The following KIAA1549L variants were observed in gnomAD, a reference collection of about 807,000 sequenced individuals.
KIAA1549L encodes the protein KIAA1549 like, also known as UPF0606 protein KIAA1549L.
In KIAA1549L, 88 loss-of-function variants were observed where a neutral mutation model predicts 160.7. That is an observed-to-expected ratio of 0.55 (90% confidence interval 0.46 to 0.65). The LOEUF (loss-of-function observed/expected upper bound fraction) is 0.65, where lower values mean the gene tolerates loss of function less well. KIAA1549L is among the 30% of genes least tolerant of loss of function. KIAA1549L has a pLI of 0.00. For synonymous variants in KIAA1549L, 950 were observed against 976.7 expected (o/e 0.97, Z 0.51); for missense variants, 2,258 against 2,437.5 (o/e 0.93, Z 1.55).
Position 33,574,096 on chromosome 11 carries a change from G to A in KIAA1549L, c.4231-606G>A, listed in dbSNP as rs539834635. 1.1e-4 allele frequency among the ~76,000 whole-genome samples: 16 copies of A among 151,966 alleles called. No homozygotes were observed. The South Asian group carries it at 3.3e-3, about 32-fold the overall frequency. Reference sequence around the variant, plus strand: ...GAATGGAAGCAAATACTCTATAATGGCAACAGTAATTAGCTTGTGATAGAA... The same window carrying A: ...GAATGGAAGCAAATACTCTATAATGACAACAGTAATTAGCTTGTGATAGAA... On this transcript the variant is annotated intron_variant, in intron 9 of 20. Coordinates refer to ENST00000658780, the MANE Select transcript of KIAA1549L (RefSeq NM_012194.3).
chr11:33,645,883 G>T lies in KIAA1549L; in HGVS notation c.5607G>T (p.Gln1869His). The T allele has an allele frequency of 6.2e-7, 1 of 1,613,804 alleles. No individual in the cohort carries two copies. The highest frequency in any genetic ancestry group is 8.5e-7 in the Non-Finnish European group (1 of 1,179,834). The change falls in exon 17 of 21, where the codon CAG becomes CAT. Residue 1869 changes from glutamine to histidine, a missense_variant. Transcript: ENST00000658780. The part of the protein sequence containing the change: ...FSLASAGHAG[Q>H]SRHQEAYGSA... ...TGGCATCCGCGGGCCACGCAGGCCAGAGCCGGCACCAAGAGGCCTACGGCT... is the reference window on the plus strand; with the variant it reads ...TGGCATCCGCGGGCCACGCAGGCCATAGCCGGCACCAAGAGGCCTACGGCT...
At chr11:33,405,510 C>CTT (rs60127936) in intron 1 of KIAA1549L, among the ~76,000 whole-genome samples, 23,354 of 138,576 alleles carry the variant, frequency 0.17, 2,316 homozygotes, top group African/African-American at 0.27. Flanking sequence ...TTTCCCTACA[C>CTT]TTTTTTTTTT....
chr11:33,611,898 G>A (rs1385266101), intron 15 of KIAA1549L, among the ~76,000 whole-genome samples: 1 of 152,194 alleles, frequency 6.6e-6, no homozygotes, highest in Non-Finnish European at 1.5e-5. Flanking sequence ...AATGAATGAA[G>A]AATGAACCAA....
intron 11 of KIAA1549L, among the ~76,000 whole-genome samples, chr11:33,589,693 T>C (rs1308907765): frequency 1.3e-5 from 2 of 149,764 alleles, no homozygotes; most frequent in African/African-American, 2.5e-5. Flanking sequence ...TTCTCACTCA[T>C]AGGTGGGAAT....
intron 1 of KIAA1549L, among the ~76,000 whole-genome samples, chr11:33,390,378 C>T (rs1850250474): frequency 6.6e-6 from 1 of 152,210 alleles, no homozygotes; most frequent in Admixed American, 6.5e-5. Context: ...TCTGCTTCCC[C>T]ATAGCTTCTT....
At chr11:33,381,560 C>T (rs917372795) in intron 1 of KIAA1549L, among the ~76,000 whole-genome samples, 1 of 152,178 alleles carries the variant, frequency 6.6e-6, no homozygotes, top group Non-Finnish European at 1.5e-5. Flanking sequence ...TCCTATAGGA[C>T]TTACTGGCCA....
intron 9 of KIAA1549L, among the ~76,000 whole-genome samples, chr11:33,568,887 T>C (rs1299759808): frequency 6.6e-6 from 1 of 152,214 alleles, no homozygotes; most frequent in East Asian, 1.9e-4. Context: ...GCCATGCTGG[T>C]TGGAAGTGCC....
intron 1 of KIAA1549L, among the ~76,000 whole-genome samples, chr11:33,440,521 C>A (rs937697288): frequency 2.6e-5 from 4 of 152,144 alleles, no homozygotes; most frequent in Non-Finnish European, 2.9e-5. Flanking sequence ...TTAACAAGGT[C>A]TAAAGTTAAT....
At chr11:33,476,688 G>A (rs927888130) in intron 1 of KIAA1549L, among the ~76,000 whole-genome samples, 25 of 152,078 alleles carry the variant, frequency 1.6e-4, no homozygotes, top group East Asian at 1.9e-4. Flanking sequence ...TCTTCCAAGC[G>A]CATTGCCCCC....
chr11:33,507,170 G>T (rs944589095), intron 1 of KIAA1549L, among the ~76,000 whole-genome samples: 1 of 152,188 alleles, frequency 6.6e-6, no homozygotes, highest in Non-Finnish European at 1.5e-5. Flanking sequence ...TGCTGCTAAG[G>T]CAAGGCCGAG....
At chr11:33,511,275 C>T (rs1246609249) in intron 1 of KIAA1549L, among the ~76,000 whole-genome samples, 1 of 152,156 alleles carries the variant, frequency 6.6e-6, no homozygotes, top group Non-Finnish European at 1.5e-5. Flanking sequence ...TTCTTCAGGC[C>T]TCCTAATCAA....
intron 1 of KIAA1549L, among the ~76,000 whole-genome samples, chr11:33,412,984 G>A (rs531582806): frequency 6.6e-6 from 1 of 152,234 alleles, no homozygotes; most frequent in African/African-American, 2.4e-5. Flanking sequence ...CACTTTCAGG[G>A]TAATAAATAC....
At chr11:33,557,140 A>G (rs1015130699) in intron 6 of KIAA1549L, among the ~76,000 whole-genome samples, 2 of 152,070 alleles carry the variant, frequency 1.3e-5, no homozygotes, top group Non-Finnish European at 2.9e-5. Context: ...GGCATGCAAC[A>G]TCATGCTTGG....
Position 33,629,819 on chromosome 11 carries a change from C to T in KIAA1549L, c.5409+11157C>T, listed in dbSNP as rs1200193275. On this transcript the variant is annotated intron_variant, in intron 16 of 20. Coordinates refer to ENST00000658780, the MANE Select transcript of KIAA1549L (RefSeq NM_012194.3). ...AGTCATTCTCCGTCCAGCTTTGTTCCGTTGCTGGTGAGGAACTGCGTTCCT... is the reference window on the plus strand; with the variant it reads ...AGTCATTCTCCGTCCAGCTTTGTTCTGTTGCTGGTGAGGAACTGCGTTCCT... Among the ~76,000 whole-genome samples the T allele has an allele frequency of 1.2e-4, 18 of 147,876 alleles. 1 individual carries two copies. Among genetic ancestry groups the T allele is most frequent in the South Asian group, 2.1e-4 (1 of 4,726 alleles).
At chr11:33,404,290 C>T (rs541606937) in intron 1 of KIAA1549L, among the ~76,000 whole-genome samples, 1 of 151,788 alleles carries the variant, frequency 6.6e-6, no homozygotes, top group Non-Finnish European at 1.5e-5. Context: ...TTTGGGAGGC[C>T]GAGGTGGGTG....
Position 33,542,722 on chromosome 11 carries a change from C to T in KIAA1549L, c.1159C>T (p.Gln387Ter). ...AGTGGCTTCAGGTCCTGCATCCACC[C>T]AGCAGATCAAAGCTGGGGTGCCTGG... Reference protein sequence around the residue: ...LEVASGPASTQQIKAGVPGRV... With the variant: ...LEVASGPAST Residue 387 changes from glutamine (Q) to a stop codon, truncating the protein, a stop_gained, in exon 2 of 21, where the codon CAG (glutamine) becomes TAG (stop). Coordinates refer to ENST00000658780, the MANE Select transcript of KIAA1549L (RefSeq NM_012194.3). LOFTEE classifies it high-confidence loss of function. 6.2e-7 allele frequency: 1 copy of T among 1,614,034 alleles called. No homozygotes were observed. The highest frequency in any genetic ancestry group is 8.5e-7 in the Non-Finnish European group (1 of 1,179,888).
chr11:33,639,537 T>TTTA (rs917256377), intron 16 of KIAA1549L, among the ~76,000 whole-genome samples: 3 of 152,156 alleles, frequency 2.0e-5, no homozygotes, highest in East Asian at 3.9e-4. Context: ...GCAAAGTTCT[T>TTTA]TTATTATTAT....
intron 16 of KIAA1549L, among the ~76,000 whole-genome samples, chr11:33,633,079 G>A (rs971253971): frequency 1.7e-4 from 25 of 148,494 alleles, no homozygotes; most frequent in Non-Finnish European, 2.5e-4. Context: ...GGGTTCAGGC[G>A]ATTCTCCTGT....
intron 16 of KIAA1549L, among the ~76,000 whole-genome samples, chr11:33,638,202 A>G (rs1851488155): frequency 6.6e-6 from 1 of 152,196 alleles, no homozygotes; most frequent in Non-Finnish European, 1.5e-5. Flanking sequence ...CACCAGACCA[A>G]TGAAAATACC....
Sources: gnomAD v4.1 joint callset for allele counts (sites outside exome capture counted in the v4.1 genomes callset) on GRCh38, gnomAD v4.1.1 for gene constraint, MANE v1.5 for transcripts, NCBI Gene and HGNC (gene_info 2026-07-23, HGNC 2026-07-21) for gene names.